The following PXDN variants were observed in gnomAD, a reference collection of about 807,000 sequenced individuals.
PXDN encodes peroxidasin homolog.
PXDN carries 77 observed loss-of-function variants against 140.3 expected under a neutral mutation model. That is an observed-to-expected ratio of 0.55 (90% CI 0.46 to 0.66). The LOEUF is 0.66. Ranked by LOEUF, PXDN falls within the 30% of genes least tolerant of loss-of-function variation. The pLI is 0.00. For synonymous variants in PXDN, 911 were observed against 857.4 expected (o/e 1.06, Z -1.09); for missense variants, 1,838 against 2,039.5 (o/e 0.90, Z 1.90).
chr2:1,681,828 C>T (rs1683914657), intron 6 of PXDN, among the ~76,000 whole-genome samples: 1 of 152,184 alleles, frequency 6.6e-6, no homozygotes, highest in African/African-American at 2.4e-5. Flanking sequence ...GGCATCTGGC[C>T]AGTCGGTCCT....
At chr2:1,693,637 C>T (rs1027051018) in intron 1 of PXDN, among the ~76,000 whole-genome samples, 1 of 152,222 alleles carries the variant, frequency 6.6e-6, no homozygotes, top group Non-Finnish European at 1.5e-5. Context: ...GAATTCAGCA[C>T]GCTAACTGGG....
chr2:1,644,631 G>A lies in PXDN; in HGVS notation c.3730C>T (p.Arg1244Ter). 3.1e-6 allele frequency: 5 copies of A among 1,599,202 alleles called. No homozygotes were observed. Among genetic ancestry groups the A allele is most frequent in the Non-Finnish European group, 4.3e-6 (5 of 1,170,726 alleles). Reference sequence around the variant, plus strand: ...GCACGTGCTCACCTGTCCCCATCTCGCAGGCGCTTGAACTGTGTGCTGAGA... The same window carrying A: ...GCACGTGCTCACCTGTCCCCATCTCACAGGCGCTTGAACTGTGTGCTGAGA... ...CLLSTQFKRLRDGDRLWYENP... is the reference protein window; with the variant it reads ...CLLSTQFKRL Residue 1244 changes from arginine (R) to a stop codon, truncating the protein, a stop_gained, in exon 18 of 23, where the codon CGA (arginine) becomes TGA (stop). Coordinates refer to ENST00000252804, the MANE Select transcript of PXDN (RefSeq NM_012293.3). LOFTEE classifies it high-confidence loss of function.
chr2:1,732,711 A>G (rs916558389), intron 1 of PXDN, among the ~76,000 whole-genome samples: 1 of 152,218 alleles, frequency 6.6e-6, no homozygotes, highest in Non-Finnish European at 1.5e-5. Context: ...TGCTCACCAA[A>G]GTGAAATTCC....
chr2:1,742,038 C>T (rs1267822693), intron 1 of PXDN, among the ~76,000 whole-genome samples: 1 of 152,124 alleles, frequency 6.6e-6, no homozygotes, highest in African/African-American at 2.4e-5. Flanking sequence ...TGCCTAGGTC[C>T]GCACAGCTAC....
At chr2:1,686,780 T>TC (rs544014921) in intron 4 of PXDN, among the ~76,000 whole-genome samples, 235 of 152,192 alleles carry the variant, frequency 1.5e-3, no homozygotes, top group Middle Eastern at 3.4e-3. Flanking sequence ...CAGAGTGGTC[T>TC]CCCCCCTGCA....
chr2:1,661,747 T>TA (rs1486999749), intron 13 of PXDN, among the ~76,000 whole-genome samples: 2 of 152,218 alleles, frequency 1.3e-5, no homozygotes, highest in Non-Finnish European at 2.9e-5. Context: ...AGACCATAGT[T>TA]CTATAAGAGG....
chr2:1,673,501 T>C lies in PXDN; in HGVS notation c.1018+142A>G, dbSNP rs572072852. The stretch of plus-strand genomic sequence containing the variant: ...ATCTACGACCCTGCGCTTAGAAAGC[T>C]TTCTGAGCCAACCCTGGTACTGGAG... On this transcript the variant is annotated intron_variant, in intron 9 of 22. Transcript: ENST00000252804. 2.5e-5 allele frequency: 30 copies of C among 1,178,238 alleles called. No homozygotes were observed. The East Asian group carries it at 6.4e-4, about 25-fold the overall frequency. The allele number at this position is 1,178,238 out of a possible 1,614,324, so 73.0% of individuals were successfully genotyped here.
chr2:1,726,803 T>C (rs1472695918), intron 1 of PXDN, among the ~76,000 whole-genome samples: 1 of 152,234 alleles, frequency 6.6e-6, no homozygotes, highest in African/African-American at 2.4e-5. Context: ...TACTTTAATG[T>C]AGTCCTACTT....
intron 3 of PXDN, among the ~76,000 whole-genome samples, chr2:1,688,663 G>A (rs998785648): frequency 1.6e-4 from 25 of 152,200 alleles, no homozygotes; most frequent in African/African-American, 4.8e-4. Context: ...TGCCACTACC[G>A]TTTCTTAGAA....
At chr2:1,658,950 G>A (rs1361292181) in intron 14 of PXDN, among the ~76,000 whole-genome samples, 1 of 152,128 alleles carries the variant, frequency 6.6e-6, no homozygotes, top group African/African-American at 2.4e-5. Flanking sequence ...CTCACCATCT[G>A]AGCGTGACTG....
intron 1 of PXDN, among the ~76,000 whole-genome samples, chr2:1,694,901 C>T (rs901436018): frequency 1.3e-5 from 2 of 152,178 alleles, no homozygotes; most frequent in Admixed American, 6.5e-5. Context: ...AAGAAGCTCC[C>T]GTACCTGAGA....
chr2:1,660,737 A>G lies in PXDN; in HGVS notation c.1837+144T>C. On this transcript the variant is annotated intron_variant, in intron 14 of 22. Transcript: ENST00000252804. The surrounding 1 kb of genome is among the most constrained non-coding windows in gnomAD (Gnocchi z 4.6). ...GAGCAGCCCGGCCATGCATCAGGAG[A>G]GTGTCCCCACCTGGGAATCAAGGGT... The G allele has an allele frequency of 9.1e-7, 1 of 1,102,834 alleles. No homozygotes were observed. Among genetic ancestry groups the G allele is most frequent in the Non-Finnish European group, 1.2e-6 (1 of 800,110 alleles). 68.3% of individuals were successfully genotyped at this position (1,102,834 alleles called of 1,614,324 possible). A position where few individuals can be genotyped will look rare whatever the true frequency, so the allele number is the denominator to read the frequency against.
intron 17 of PXDN, among the ~76,000 whole-genome samples, chr2:1,645,085 T>A (rs995573965): frequency 1.3e-5 from 2 of 152,198 alleles, no homozygotes; most frequent in African/African-American, 4.8e-5. Context: ...ATGTATACCC[T>A]TCCAATCTTT....
At chr2:1,637,746 G>A (rs1437082285) in intron 21 of PXDN, among the ~76,000 whole-genome samples, 5 of 137,798 alleles carry the variant, frequency 3.6e-5, no homozygotes, top group East Asian at 2.2e-4. Flanking sequence ...TCTAGGCTGT[G>A]GAGGGAGGAG....
rs114052909 is a variant in PXDN at position 1,651,059 on chromosome 2, C to G, written c.2105-1384G>C. On this transcript the variant is annotated intron_variant, in intron 16 of 22. Coordinates refer to ENST00000252804, the MANE Select transcript of PXDN (RefSeq NM_012293.3). The surrounding 1 kb of genome is among the most constrained non-coding windows in gnomAD (Gnocchi z 4.4). ...AGGTCTGTGCAGGGAACATGAACCC[C>G]GGGCTCCCCTCAGCCCCTGGTTCTG... Among the ~76,000 whole-genome samples, 2 of 152,062 alleles carry G rather than the reference C, an allele frequency of 1.3e-5. No homozygotes were observed. Among genetic ancestry groups the G allele is most frequent in the African/African-American group, 4.8e-5 (2 of 41,408 alleles).
chr2:1,657,614 C>T (rs760080715), intron 14 of PXDN, among the ~76,000 whole-genome samples: 10 of 151,662 alleles, frequency 6.6e-5, no homozygotes, highest in Non-Finnish European at 1.2e-4. Context: ...CTAACAGGGA[C>T]CTGCCCCCTA....
At chr2:1,674,107 G>T (rs778683782) in intron 8 of PXDN, among the ~76,000 whole-genome samples, 2 of 152,168 alleles carry the variant, frequency 1.3e-5, no homozygotes, top group African/African-American at 4.8e-5. Flanking sequence ...TGAACAAAAC[G>T]GAAAAAATTC....
chr2:1,635,453 G>A lies in PXDN; in HGVS notation c.4275C>T (p.Asn1425=). The change falls in exon 22 of 23, where the codon AAC becomes AAT. Residue 1425 remains asparagine, a synonymous_variant. Coordinates refer to ENST00000252804, the MANE Select transcript of PXDN (RefSeq NM_012293.3). The part of the protein sequence containing the change: ...CVDAGGESHA[N]NTKWKKDACT... Reference sequence around the variant, plus strand: ...ATGCATCTTTTTTCCACTTGGTGTTGTTGGCGTGAGATTCGCCCCCGGCAT... The same window carrying A: ...ATGCATCTTTTTTCCACTTGGTGTTATTGGCGTGAGATTCGCCCCCGGCAT... The A allele has an allele frequency of 6.2e-7, 1 of 1,602,334 alleles. No homozygotes were observed. The highest frequency in any genetic ancestry group is 8.5e-7 in the Non-Finnish European group (1 of 1,173,946).
intron 1 of PXDN, among the ~76,000 whole-genome samples, chr2:1,704,977 T>C (rs772413654): frequency 1.3e-5 from 2 of 152,102 alleles, no homozygotes; most frequent in Non-Finnish European, 2.9e-5. Context: ...CAGTGTATTC[T>C]GAGGATGTAA....
Sources: gnomAD v4.1 joint callset for allele counts (sites outside exome capture counted in the v4.1 genomes callset) on GRCh38, gnomAD v4.1.1 for gene constraint, Gnocchi (gnomAD v3.1) non-coding constraint, MANE v1.5 for transcripts, NCBI Gene and HGNC (gene_info 2026-07-23, HGNC 2026-07-21) for gene names.